KCNMB3: variants seen among roughly 807,000 people sequenced by gnomAD.
KCNMB3 encodes calcium-activated potassium channel subunit beta-3.
KCNMB3 carries 18 observed loss-of-function variants against 11.9 expected under a neutral mutation model. The observed-to-expected ratio is 1.51, with a 90% CI of 1.04 to 2.23. The LOEUF (loss-of-function observed/expected upper bound fraction) is 2.23. Ranked by LOEUF, KCNMB3 falls within the 30% of genes most tolerant of loss-of-function variation. The pLI is 0.00. For missense variants in KCNMB3, 247 were observed against 329.4 expected (o/e 0.75, Z 1.94); for synonymous variants, 78 against 119.2 (o/e 0.65, Z 2.25).
chr3:179,257,383 T>C (rs549353802), intron 1 of KCNMB3, among the ~76,000 whole-genome samples: 7 of 152,228 alleles, frequency 4.6e-5, no homozygotes, highest in Non-Finnish European at 5.9e-5. Context: ...TCTACATAAT[T>C]TCATAAAATG....
intron 1 of KCNMB3, chr3:179,261,182 C>T: frequency 7.5e-7 from 1 of 1,340,036 alleles, no homozygotes; most frequent in Non-Finnish European, 1.0e-6. Context: ...GCGGGCCTCC[C>T]GTTTTGCGGC....
intron 1 of KCNMB3, among the ~76,000 whole-genome samples, chr3:179,266,313 G>A (rs1006941897): frequency 1.3e-5 from 2 of 152,190 alleles, no homozygotes; most frequent in African/African-American, 4.8e-5. Context: ...CCAAATGCTG[G>A]TCTAATTTCT....
At chr3:179,259,891 C>A (rs1726148699) in intron 1 of KCNMB3, 1 of 1,613,538 alleles carries the variant, frequency 6.2e-7, no homozygotes, top group African/African-American at 1.3e-5. Flanking sequence ...GAACCAGGAA[C>A]TTCTGTCTTG....
intron 1 of KCNMB3, among the ~76,000 whole-genome samples, chr3:179,262,833 G>A (rs147498671): frequency 0.032 from 4,890 of 152,276 alleles, 118 homozygotes; most frequent in Middle Eastern, 0.2. Context: ...AGTGTCGATT[G>A]GTGCATTCAC....
rs769102779 is a variant in KCNMB3, at chr3:179,258,936, C to T, written c.62+7713G>A. On this transcript the variant is annotated intron_variant, in intron 1 of 3. Coordinates refer to the KCNMB3 transcript ENST00000349697. Reference sequence around the variant, plus strand: ...ACAGTGCATCTCTATGAATTTAGAACATTCTACTTACATTGGCAGTGGAGA... The same window carrying T: ...ACAGTGCATCTCTATGAATTTAGAATATTCTACTTACATTGGCAGTGGAGA... The T allele has an allele frequency of 1.4e-5, 23 of 1,613,464 alleles. No individual in the cohort carries two copies. The Admixed American group carries it at 3.7e-4, about 26-fold the overall frequency.
At chr3:179,244,723 C>T (rs768817982) in intron 1 of KCNMB3, 30 bp from the exon 2 acceptor site, 79 of 1,575,798 alleles carry the variant, frequency 5.0e-5, no homozygotes, top group Non-Finnish European at 6.7e-5. Context: ...AAATGTTCTT[C>T]ACTTATTAGA....
At chr3:179,242,275 A>C (rs1725482003), downstream of KCNMB3, 1 of 152,306 alleles carries the variant, frequency 6.6e-6, no homozygotes, top group Non-Finnish European at 1.5e-5. Flanking sequence ...CACACCTGTA[A>C]TCCCAGCTAC....
intron 1 of KCNMB3, among the ~76,000 whole-genome samples, chr3:179,262,748 C>A (rs1259069461): frequency 6.6e-6 from 1 of 152,200 alleles, no homozygotes; most frequent in Non-Finnish European, 1.5e-5. Flanking sequence ...AGGTTCTCCA[C>A]ATCCCCACTA....
chr3:179,255,937 CTA>C (rs759053924), upstream of KCNMB3, among the ~76,000 whole-genome samples: 3 of 152,182 alleles, frequency 2.0e-5, no homozygotes, highest in Non-Finnish European at 4.4e-5. Flanking sequence ...CCACAGAATT[CTA>C]TGTCTACAAA....
At chr3:179,245,974 C>T (rs758546427) in intron 1 of KCNMB3, among the ~76,000 whole-genome samples, 11 of 152,114 alleles carry the variant, frequency 7.2e-5, no homozygotes, top group Non-Finnish European at 1.0e-4. Context: ...ACAAAGTAAA[C>T]GAGGGGAAGA....
At chr3:179,241,583 T>C (rs1334312701), downstream of KCNMB3, 2 of 152,686 alleles carry the variant, frequency 1.3e-5, no homozygotes, top group African/African-American at 4.8e-5. Flanking sequence ...AATTTAAGAT[T>C]TTTGAGTATA....
intron 2 of KCNMB3, among the ~76,000 whole-genome samples, chr3:179,244,293 A>G (rs945852291): frequency 6.6e-6 from 1 of 152,186 alleles, no homozygotes; most frequent in Admixed American, 6.5e-5. Flanking sequence ...GTGAAATTGG[A>G]ATAATTTCTC....
chr3:179,264,784 C>T (rs1311633660), intron 1 of KCNMB3, among the ~76,000 whole-genome samples: 2 of 152,136 alleles, frequency 1.3e-5, no homozygotes, highest in East Asian at 1.9e-4. Flanking sequence ...ATTCATTTCA[C>T]GGGTGTATGT....
At position 179,259,804 on chromosome 3, in the gene KCNMB3, T is replaced by C. The variant is rs935108195; in HGVS notation, c.62+6845A>G. 106 of 1,604,142 alleles carry C rather than the reference T, an allele frequency of 6.6e-5. 1 individual carries two copies. Among genetic ancestry groups the C allele is most frequent in the Non-Finnish European group, 8.2e-5 (96 of 1,177,098 alleles). On this transcript the variant is annotated intron_variant, in intron 1 of 3. Coordinates refer to the KCNMB3 transcript ENST00000349697. Reference sequence around the variant, plus strand: ...TTCTTTTCTTCATCTGGCTCTTTCATATCTGAGGGTTCACTTTGAGTGTCT... The same window carrying C: ...TTCTTTTCTTCATCTGGCTCTTTCACATCTGAGGGTTCACTTTGAGTGTCT...
intron 2 of KCNMB3, 21 bp downstream of exon 2, chr3:179,244,474 A>G (rs764147506): frequency 6.2e-7 from 1 of 1,603,356 alleles, no homozygotes; most frequent in South Asian, 1.1e-5. Flanking sequence ...TGTCATAAGA[A>G]CTCTTTAAAC....
intron 1 of KCNMB3, chr3:179,261,165 C>A: frequency 7.5e-7 from 1 of 1,331,706 alleles, no homozygotes; most frequent in Non-Finnish European, 1.0e-6. Flanking sequence ...ATCTCACGAG[C>A]CTCCGCGCGG....
chr3:179,247,857 CT>C (rs758244000), intron 1 of KCNMB3, among the ~76,000 whole-genome samples: 15 of 152,098 alleles, frequency 9.9e-5, no homozygotes, highest in Non-Finnish European at 1.9e-4. Context: ...CACTCTCTTC[CT>C]TTTTTATGAC....
chr3:179,262,184 T>G (rs1399580818), intron 1 of KCNMB3, among the ~76,000 whole-genome samples: 1 of 152,222 alleles, frequency 6.6e-6, no homozygotes, highest in Non-Finnish European at 1.5e-5. Context: ...GGTAATAGAT[T>G]TAAGTAAAGC....
intron 1 of KCNMB3, among the ~76,000 whole-genome samples, chr3:179,264,682 C>T (rs1379127036): frequency 6.6e-6 from 1 of 152,148 alleles, no homozygotes; most frequent in Non-Finnish European, 1.5e-5. Context: ...CCCACAGAAG[C>T]CAGCAGCCTC....
Sources: allele counts gnomAD v4.1 joint callset (sites outside exome capture counted in the v4.1 genomes callset), GRCh38; gene constraint gnomAD v4.1.1; transcripts MANE v1.5; gene names NCBI Gene and HGNC (gene_info 2026-07-23, HGNC 2026-07-21).